GJA5: variants seen among roughly 807,000 people sequenced by gnomAD.
GJA5 encodes gap junction protein alpha 5.
A neutral mutation model predicts 7.9 loss-of-function variants in GJA5; 3 were observed. That is an observed-to-expected ratio of 0.38 (90% CI 0.17 to 0.99). The LOEUF (loss-of-function observed/expected upper bound fraction) is 0.99. Ranked by LOEUF, GJA5 falls within the 50% of genes least tolerant of loss-of-function variation. The pLI is 0.38. For synonymous variants in GJA5, 193 were observed against 181.0 expected (o/e 1.07, Z -0.53); for missense variants, 390 against 457.9 (o/e 0.85, Z 1.35).
Position 147,758,587 on chromosome 1 carries a change from A to G in GJA5, c.652T>C (p.Ser218Pro). The G allele has an allele frequency of 1.2e-6, 2 of 1,613,896 alleles. No individual in the cohort carries two copies. The highest frequency in any genetic ancestry group is 1.7e-6 in the Non-Finnish European group (2 of 1,179,886). Reference sequence around the variant, plus strand: ...AGTTCAGCCAGGCTAAGGAGGAGGGACAGTGCAGCCACAGCCAGCATAAAG... The same window carrying G: ...AGTTCAGCCAGGCTAAGGAGGAGGGGCAGTGCAGCCACAGCCAGCATAAAG... Reference protein sequence around the residue: ...IVFMLAVAALSLLLSLAELYH... With the variant: ...IVFMLAVAALPLLLSLAELYH... The change falls in exon 2 of 2, where the codon TCC (serine) becomes CCC (proline). Residue 218 changes from serine (S) to proline (P), a missense_variant. Physicochemically the swap from Ser to Pro is moderately conservative, Grantham distance 74. Around this residue, in one of 2 missense-constraint regions of GJA5, gnomAD observed 354 missense variants for 370.9 expected, o/e 0.95. Transcript: ENST00000579774.
Position 147,758,535 on chromosome 1 carries a change from C to A in GJA5, c.704G>T (p.Arg235Ile). ...ELYHLGWKKI[R>I]QRFVKPRQHM... ...CTGCCGCGGTTTGACAAATCGCTGTCTGATCTTCTTCCAGCCCAGGTGGTA... is the reference window on the plus strand; with the variant it reads ...CTGCCGCGGTTTGACAAATCGCTGTATGATCTTCTTCCAGCCCAGGTGGTA... Residue 235 changes from arginine (R) to isoleucine (I), a missense_variant, in exon 2 of 2, where the codon AGA (arginine) becomes ATA (isoleucine). Coordinates refer to ENST00000579774, the MANE Select transcript of GJA5 (RefSeq NM_181703.4). The A allele has an allele frequency of 6.2e-7, 1 of 1,613,822 alleles. No homozygotes were observed. Among genetic ancestry groups the A allele is most frequent in the Non-Finnish European group, 8.5e-7 (1 of 1,179,718 alleles).
At chr1:147,766,214 G>C (rs888944658) in intron 1 of GJA5, among the ~76,000 whole-genome samples, 1 of 152,014 alleles carries the variant, frequency 6.6e-6, no homozygotes, top group Non-Finnish European at 1.5e-5. Context: ...CTGCTTTTCT[G>C]TTCATCATTG....
intron 1 of GJA5, among the ~76,000 whole-genome samples, chr1:147,767,675 G>A (rs1664257936): frequency 6.6e-6 from 1 of 151,796 alleles, no homozygotes; most frequent in South Asian, 2.1e-4. Flanking sequence ...TGGGATTACA[G>A]GCATGAGCCA....
chr1:147,759,045 C>T lies in GJA5; in HGVS notation c.194G>A (p.Cys65Tyr). 1 of 1,614,022 alleles carries T rather than the reference C, an allele frequency of 6.2e-7. No individual in the cohort carries two copies. The highest frequency in any genetic ancestry group is 8.5e-7 in the Non-Finnish European group (1 of 1,179,916). ...GGAGATGGGGAAAGCCTGGTCGTAGCAGACATTCTGGCAGCCAGGCTGAAT... is the reference window on the plus strand; with the variant it reads ...GGAGATGGGGAAAGCCTGGTCGTAGTAGACATTCTGGCAGCCAGGCTGAAT... ...DTIQPGCQNV[C>Y]YDQAFPISHI... Residue 65 changes from cysteine to tyrosine, a missense_variant, in exon 2 of 2, where the codon TGC becomes TAC. Cys to Tyr is a radical substitution (Grantham distance 194, BLOSUM62 -2). Coordinates refer to ENST00000579774, the MANE Select transcript of GJA5 (RefSeq NM_181703.4).
At chr1:147,760,070 C>G (rs1663930994) in intron 1 of GJA5, among the ~76,000 whole-genome samples, 1 of 152,008 alleles carries the variant, frequency 6.6e-6, no homozygotes, top group African/African-American at 2.4e-5. Context: ...TGAGTGCTCA[C>G]TTCCCCTGGC....
Position 147,758,971 on chromosome 1 carries a change from G to A in GJA5, c.268C>T (p.Leu90=), listed in dbSNP as rs781832760. Residue 90 remains leucine, a synonymous_variant, in exon 2 of 2, where the codon CTG becomes TTG. Coordinates refer to ENST00000579774, the MANE Select transcript of GJA5 (RefSeq NM_181703.4). ...LQIIFVSTPS[L]VYMGHAMHTV... Reference sequence around the variant, plus strand: ...TGCATGGCGTGGCCCATGTACACCAGAGAGGGCGTGGAGACGAAGATGATC... The same window carrying A: ...TGCATGGCGTGGCCCATGTACACCAAAGAGGGCGTGGAGACGAAGATGATC... 4 of 1,614,226 alleles carry A rather than the reference G, an allele frequency of 2.5e-6. No homozygotes were observed. In the Middle Eastern group the frequency reaches 4.9e-4, roughly 200 times the overall value.
Position 147,758,458 on chromosome 1 carries a change from A to G in GJA5, c.781T>C (p.Cys261Arg), listed in dbSNP as rs1553226862. The change falls in exon 2 of 2, where the codon TGC becomes CGC. Residue 261 changes from cysteine (C) to arginine (R), a missense_variant. Physicochemically the swap from Cys to Arg is radical, Grantham distance 180. Transcript: ENST00000579774. ...SGPSVGIVQS[C>R]TPPPDFNQCL... ...TGATTAAAGTCGGGGGGTGGTGTGC[A>G]GCTCTGGACTATGCCCACAGAGGGG... The G allele has an allele frequency of 1.2e-6, 2 of 1,614,162 alleles. No individual in the cohort carries two copies. Among genetic ancestry groups the G allele is most frequent in the South Asian group, 2.2e-5 (2 of 91,082 alleles).
Position 147,759,191 on chromosome 1 carries a change from C to A in GJA5, c.48G>T (p.Lys16Asn). 1.2e-6 allele frequency: 2 copies of A among 1,614,076 alleles called. No homozygotes were observed. Among genetic ancestry groups the A allele is most frequent in the Non-Finnish European group, 1.7e-6 (2 of 1,179,982 alleles). Residue 16 changes from lysine (K) to asparagine (N), a missense_variant, in exon 2 of 2, where the codon AAG (lysine) becomes AAT (asparagine). Lys to Asn is a moderately conservative substitution (Grantham distance 94, BLOSUM62 0). This residue lies in a region of GJA5 where 36 missense variants were observed against 87.1 expected (regional missense o/e 0.41). Coordinates refer to ENST00000579774, the MANE Select transcript of GJA5 (RefSeq NM_181703.4). Reference protein sequence around the residue: ...FLGNFLEEVHKHSTVVGKVWL... With the variant: ...FLGNFLEEVHNHSTVVGKVWL... ...AGACCTTGCCTACCACGGTCGAGTGCTTGTGTACTTCCTCCAGGAAATTTC... is the reference window on the plus strand; with the variant it reads ...AGACCTTGCCTACCACGGTCGAGTGATTGTGTACTTCCTCCAGGAAATTTC...
Position 147,758,781 on chromosome 1 carries a change from T to C in GJA5, c.458A>G (p.Tyr153Cys), listed in dbSNP as rs782237536. The change falls in exon 2 of 2, where the codon TAT (tyrosine) becomes TGT (cysteine). Residue 153 changes from tyrosine (Y) to cysteine (C), a missense_variant. Transcript: ENST00000579774. ...GGTGCGGATCAGGATGCTGCACACA[T>C]AGGTGTTGAGCAGAGTGCCCTGGAG... ...IALQGTLLNT[Y>C]VCSILIRTTM... 6.2e-7 allele frequency: 1 copy of C among 1,614,092 alleles called. No homozygotes were observed. Among genetic ancestry groups the C allele is most frequent in the South Asian group, 1.1e-5 (1 of 91,086 alleles).
At chr1:147,768,425 G>A (rs933442831) in intron 1 of GJA5, among the ~76,000 whole-genome samples, 3 of 152,128 alleles carry the variant, frequency 2.0e-5, no homozygotes, top group Non-Finnish European at 4.4e-5. Flanking sequence ...GTGAAAGAAA[G>A]GGAGTAGTAA....
At chr1:147,761,217 C>T (rs587663413), upstream of GJA5, among the ~76,000 whole-genome samples, 3 of 152,300 alleles carry the variant, frequency 2.0e-5, no homozygotes, top group African/African-American at 7.2e-5. Flanking sequence ...GGGAATGGAG[C>T]ATAAATATTC....
At chr1:147,761,626 G>A (rs1378524644), upstream of GJA5, among the ~76,000 whole-genome samples, 1 of 152,160 alleles carries the variant, frequency 6.6e-6, no homozygotes, top group Non-Finnish European at 1.5e-5. Flanking sequence ...ATTTCCTTAG[G>A]TGGCGAAGCG....
upstream of GJA5, among the ~76,000 whole-genome samples, chr1:147,762,360 C>T (rs1664049126): frequency 6.6e-6 from 1 of 152,200 alleles, no homozygotes; most frequent in African/African-American, 2.4e-5. Flanking sequence ...CTCACTCTGT[C>T]ACTCATTCCT....
At chr1:147,772,370 T>C (rs1219139928) in intron 1 of GJA5, among the ~76,000 whole-genome samples, 2 of 152,196 alleles carry the variant, frequency 1.3e-5, no homozygotes, top group African/African-American at 4.8e-5. Context: ...GAGTTGCCTT[T>C]GAGCCTATGG....
chr1:147,760,148 G>A (rs587623038), intron 1 of GJA5, among the ~76,000 whole-genome samples: 1 of 152,180 alleles, frequency 6.6e-6, no homozygotes, highest in South Asian at 2.1e-4. Flanking sequence ...AGCTCAGCTC[G>A]CCCTGCTGCT....
chr1:147,771,081 C>T (rs587637912), intron 1 of GJA5, among the ~76,000 whole-genome samples: 95 of 152,254 alleles, frequency 6.2e-4, no homozygotes, highest in African/African-American at 2.1e-3. Flanking sequence ...TCCCTGAAAA[C>T]GGCAGGTCAT....
chr1:147,760,648 A>G (rs1663966446), upstream of GJA5: 1 of 152,226 alleles, frequency 6.6e-6, no homozygotes, highest in African/African-American at 2.4e-5. Context: ...AGTTGAGTGA[A>G]TGAAGGAGGG....
rs1198054406 is a variant in GJA5 at position 147,756,459 on chromosome 1, A to G, written c.*1703T>C. The G allele has an allele frequency of 6.6e-6, 1 of 152,138 alleles. No individual in the cohort carries two copies. The highest frequency in any genetic ancestry group is 1.5e-5 in the Non-Finnish European group (1 of 68,034). The allele number at this position is 152,138 out of a possible 1,614,324, so 9.4% of individuals were successfully genotyped here. On this transcript the variant is annotated 3_prime_UTR_variant, in exon 2 of 2. Coordinates refer to ENST00000579774, the MANE Select transcript of GJA5 (RefSeq NM_181703.4). ...CACTTTCCTCCACCTCTCCACTCTC[A>G]TTTATCTTTCCACCCAACAATAGCA...
upstream of GJA5, among the ~76,000 whole-genome samples, chr1:147,763,886 T>A (rs1429056594): frequency 6.6e-6 from 1 of 152,192 alleles, no homozygotes; most frequent in Non-Finnish European, 1.5e-5. Flanking sequence ...CTCAGCTCAC[T>A]GCAACCTCTG....
Sources: gnomAD v4.1 joint callset for allele counts (sites outside exome capture counted in the v4.1 genomes callset) on GRCh38, gnomAD v4.1.1 for gene constraint, gnomAD v4.1.1 regional missense constraint, MANE v1.5 for transcripts, NCBI Gene and HGNC (gene_info 2026-07-23, HGNC 2026-07-21) for gene names.